GALNT18: variants seen among roughly 807,000 people sequenced by gnomAD.
GALNT18 encodes the protein GalNAc-transferase 18.
A neutral mutation model predicts 69.5 loss-of-function variants in GALNT18; 44 were observed. The ratio of observed to expected loss-of-function variants is 0.63; its 90% CI spans 0.50 to 0.81. GALNT18 has a LOEUF of 0.81. Ranked by LOEUF, GALNT18 falls within the 40% of genes least tolerant of loss-of-function variation. GALNT18 has a pLI of 0.00. For synonymous variants in GALNT18, 364 were observed against 318.2 expected, an observed-to-expected ratio of 1.14 and a Z score of -1.53; for missense variants, 715 against 810.0, an observed-to-expected ratio of 0.88 and a Z score of 1.42.
chr11:11,438,529 G>T (rs1384050667), intron 2 of GALNT18, among the ~76,000 whole-genome samples: 1 of 152,206 alleles, frequency 6.6e-6, no homozygotes, highest in African/African-American at 2.4e-5. Flanking sequence ...ACGGTAAACA[G>T]CATTATTATC....
chr11:11,275,920 GT>G (rs1251838120), intron 10 of GALNT18, among the ~76,000 whole-genome samples: 4 of 152,204 alleles, frequency 2.6e-5, no homozygotes, highest in Non-Finnish European at 5.9e-5. Flanking sequence ...GTACCATGCT[GT>G]TTTGGTTACT....
intron 1 of GALNT18, among the ~76,000 whole-genome samples, chr11:11,528,751 T>C (rs942471021): frequency 6.6e-6 from 1 of 152,130 alleles, no homozygotes; most frequent in Non-Finnish European, 1.5e-5. Context: ...AGAAAAGTGA[T>C]AGATTTGAGA....
At chr11:11,403,732 C>T (rs2061240302) in intron 3 of GALNT18, among the ~76,000 whole-genome samples, 1 of 152,198 alleles carries the variant, frequency 6.6e-6, no homozygotes, top group Admixed American at 6.5e-5. Flanking sequence ...AGTAGCCTTG[C>T]CTCACCCTCA....
intron 5 of GALNT18, among the ~76,000 whole-genome samples, chr11:11,374,176 T>G (rs1037282164): frequency 6.6e-6 from 1 of 152,174 alleles, no homozygotes; most frequent in Non-Finnish European, 1.5e-5. Flanking sequence ...ACTGAGACCC[T>G]GCTGTGGTGG....
chr11:11,490,209 TCTC>T (rs1381771572), intron 1 of GALNT18, among the ~76,000 whole-genome samples: 1 of 47,008 alleles, frequency 2.1e-5, no homozygotes, highest in Non-Finnish European at 4.5e-5. Flanking sequence ...ATTCTCTCTC[TCTC>T]TCTCTCTCTC....
chr11:11,272,323 T>C (rs1014613635), intron 10 of GALNT18, among the ~76,000 whole-genome samples: 6 of 152,232 alleles, frequency 3.9e-5, no homozygotes, highest in African/African-American at 2.4e-5. Flanking sequence ...CCCATCACAC[T>C]TGCCCTGGTT....
intron 7 of GALNT18, among the ~76,000 whole-genome samples, chr11:11,334,576 A>G (rs1426296564): frequency 6.6e-6 from 1 of 152,100 alleles, no homozygotes; most frequent in African/African-American, 2.4e-5. Context: ...CAATTTAGAT[A>G]TAAAAGAGAT....
chr11:11,381,003 T>C (rs186629724), intron 3 of GALNT18, among the ~76,000 whole-genome samples: 5 of 152,310 alleles, frequency 3.3e-5, no homozygotes, highest in African/African-American at 4.8e-5. Flanking sequence ...CTCGACTGAC[T>C]TCTGGGCTGC....
rs1849817254 is a variant in GALNT18 at position 11,320,047 on chromosome 11, A to G, written c.1512+7039T>C. ...ACAAGCCAAGGGACCACCAACCACC[A>G]GCCAATTTCATTACAGGCAATAAAA... On this transcript the variant is annotated intron_variant, in intron 9 of 10. Transcript: ENST00000227756. The surrounding 1 kb of genome is among the most constrained non-coding windows in gnomAD (Gnocchi z 4.9). 6.6e-6 allele frequency among the ~76,000 whole-genome samples: 1 copy of G among 152,198 alleles called. No individual in the cohort carries two copies. Among genetic ancestry groups the G allele is most frequent in the Non-Finnish European group, 1.5e-5 (1 of 68,034 alleles).
chr11:11,329,299 C>T (rs978903350), intron 8 of GALNT18, among the ~76,000 whole-genome samples: 2 of 152,170 alleles, frequency 1.3e-5, no homozygotes, highest in Admixed American at 6.5e-5. Flanking sequence ...TTTAGGAATG[C>T]ATCTATGTGT....
intron 1 of GALNT18, among the ~76,000 whole-genome samples, chr11:11,487,808 A>G (rs1365778527): frequency 6.6e-6 from 1 of 152,174 alleles, no homozygotes; most frequent in Non-Finnish European, 1.5e-5. Flanking sequence ...CCTCCTTTCT[A>G]CTGCACCTGA....
At chr11:11,373,175 G>GT (rs72207478) in intron 5 of GALNT18, among the ~76,000 whole-genome samples, 1 of 151,926 alleles carries the variant, frequency 6.6e-6, no homozygotes, top group Non-Finnish European at 1.5e-5. Context: ...GCAGATCTGT[G>GT]TTTTTTTCAA....
At chr11:11,358,220 CAGGTATT>C in intron 6 of GALNT18, among the ~76,000 whole-genome samples, 1 of 140,410 alleles carries the variant, frequency 7.1e-6, no homozygotes, top group African/African-American at 2.6e-5. Context: ...CTGTTGAATC[CAGGTATT>C]ATATTTCTCT....
intron 10 of GALNT18, among the ~76,000 whole-genome samples, chr11:11,279,761 C>T (rs928339030): frequency 6.6e-6 from 1 of 152,174 alleles, no homozygotes; most frequent in East Asian, 1.9e-4. Context: ...AGGTGATGGG[C>T]AGGAAATCAC....
At chr11:11,289,112 T>C (rs1341483751) in intron 10 of GALNT18, among the ~76,000 whole-genome samples, 2 of 152,196 alleles carry the variant, frequency 1.3e-5, no homozygotes, top group African/African-American at 4.8e-5. Context: ...CACAAGACTT[T>C]AATCATTTCA....
intron 1 of GALNT18, among the ~76,000 whole-genome samples, chr11:11,561,480 G>A (rs577609134): frequency 2.0e-5 from 3 of 152,308 alleles, no homozygotes; most frequent in Admixed American, 2.0e-4. Context: ...TTCCCAGTCT[G>A]CAAAATGGGT....
chr11:11,313,923 C>G (rs1463656419), intron 9 of GALNT18, among the ~76,000 whole-genome samples: 1 of 152,184 alleles, frequency 6.6e-6, no homozygotes, highest in African/African-American at 2.4e-5. Context: ...AGAGATTACT[C>G]CAGTTTGAAC....
chr11:11,546,162 G>T lies in GALNT18; in HGVS notation c.235+75197C>A, dbSNP rs549846943. Among the ~76,000 whole-genome samples, 27 of 152,260 alleles carry T rather than the reference G, an allele frequency of 1.8e-4. No homozygotes were observed. The South Asian group carries it at 5.6e-3, about 32-fold the overall frequency. Reference sequence around the variant, plus strand: ...CCCTGAGAAGGCTTACAAGCCCAAAGTGAGCCAGTTGTTTGAGCTACCCTT... The same window carrying T: ...CCCTGAGAAGGCTTACAAGCCCAAATTGAGCCAGTTGTTTGAGCTACCCTT... On this transcript the variant is annotated intron_variant, in intron 1 of 10. Coordinates refer to ENST00000227756, the MANE Select transcript of GALNT18 (RefSeq NM_198516.3). This position sits in a 1 kb window ranked among gnomAD's most constrained non-coding sequence, Gnocchi z 5.8.
At chr11:11,357,034 C>T (rs1850543955) in intron 6 of GALNT18, among the ~76,000 whole-genome samples, 1 of 152,100 alleles carries the variant, frequency 6.6e-6, no homozygotes. Context: ...TTTTCAGATG[C>T]CTTCCTGGAG....
Sources: gnomAD v4.1 joint callset for allele counts (sites outside exome capture counted in the v4.1 genomes callset) on GRCh38, gnomAD v4.1.1 for gene constraint, Gnocchi (gnomAD v3.1) non-coding constraint, MANE v1.5 for transcripts, NCBI Gene and HGNC (gene_info 2026-07-23, HGNC 2026-07-21) for gene names.